Variants in EPYC observed in about 807,000 individuals in gnomAD.
The protein encoded by EPYC is epiphycan.
A neutral mutation model predicts 30.1 loss-of-function variants in EPYC; 28 were observed. That is an observed-to-expected ratio of 0.93 (90% confidence interval 0.69 to 1.28). The LOEUF (loss-of-function observed/expected upper bound fraction) is 1.28. EPYC is among the 50% of genes most tolerant of loss of function. The pLI, the probability that EPYC is intolerant of heterozygous loss-of-function variation, is 0.00. For missense variants in EPYC, 382 were observed against 383.5 expected, an observed-to-expected ratio of 1.00 and a Z score of 0.03; for synonymous variants, 144 against 141.4, an observed-to-expected ratio of 1.02 and a Z score of -0.13.
At chr12:90,978,333 A>G in intron 2 of EPYC, 71 bp from the exon 3 acceptor site, 1 of 1,454,266 alleles carries the variant, frequency 6.9e-7, no homozygotes, top group Non-Finnish European at 9.2e-7. Context: ...AGTGACACAA[A>G]TTTAAAATGT....
chr12:90,978,754 T>C (rs1397804906), intron 2 of EPYC, among the ~76,000 whole-genome samples: 1 of 152,094 alleles, frequency 6.6e-6, no homozygotes, highest in Non-Finnish European at 1.5e-5. Flanking sequence ...CTTGATTTCC[T>C]AGGTTCAAAT....
At chr12:90,967,955 G>A (rs1289671592) in intron 6 of EPYC, among the ~76,000 whole-genome samples, 1 of 151,928 alleles carries the variant, frequency 6.6e-6, no homozygotes, top group Non-Finnish European at 1.5e-5. Context: ...GGGTGACAGA[G>A]CAAGACCCTT....
chr12:91,004,900 T>C (rs1053073637), intron 1 of EPYC, 47 bp downstream of exon 1: 15 of 152,060 alleles, frequency 9.9e-5, no homozygotes, highest in Non-Finnish European at 2.9e-5. Flanking sequence ...GTTGTTATAG[T>C]AGGGAAAGAA....
At chr12:90,977,068 G>T (rs1381545628) in intron 3 of EPYC, among the ~76,000 whole-genome samples, 1 of 152,032 alleles carries the variant, frequency 6.6e-6, no homozygotes, top group Non-Finnish European at 1.5e-5. Flanking sequence ...CTCTAAATTT[G>T]TTTCTATGTC....
At chr12:90,975,780 A>G (rs1877165144) in intron 3 of EPYC, among the ~76,000 whole-genome samples, 3 of 152,056 alleles carry the variant, frequency 2.0e-5, no homozygotes, top group Admixed American at 2.0e-4. Context: ...TGGGTGCTTT[A>G]TGCTGGATAT....
chr12:90,977,074 A>ACAGTATTGCCTCTAAATTTGTTTCTT, intron 3 of EPYC, among the ~76,000 whole-genome samples: 1 of 152,032 alleles, frequency 6.6e-6, no homozygotes, highest in East Asian at 1.9e-4. Flanking sequence ...ATTTGTTTCT[A>ACAGTATTGCCTCTAAATTTGTTTCTT]TGTCTATCTT....
chr12:90,965,991 C>T (rs1876885443), intron 6 of EPYC, among the ~76,000 whole-genome samples: 1 of 151,952 alleles, frequency 6.6e-6, no homozygotes, highest in Non-Finnish European at 1.5e-5. Flanking sequence ...TAACCTGCCA[C>T]ATTGCTGAAC....
At chr12:90,967,829 G>C (rs1266074401) in intron 6 of EPYC, among the ~76,000 whole-genome samples, 3 of 152,034 alleles carry the variant, frequency 2.0e-5, no homozygotes, top group Non-Finnish European at 4.4e-5. Context: ...AAAGTAGCCA[G>C]GCATGATGGT....
At chr12:90,980,457 C>A (rs1385925441) in intron 2 of EPYC, among the ~76,000 whole-genome samples, 1 of 152,088 alleles carries the variant, frequency 6.6e-6, no homozygotes, top group Non-Finnish European at 1.5e-5. Context: ...AAATACTATG[C>A]CTGGAGAGAC....
chr12:90,964,890 G>A (rs935310585), intron 6 of EPYC, among the ~76,000 whole-genome samples: 1 of 152,052 alleles, frequency 6.6e-6, no homozygotes, highest in Non-Finnish European at 1.5e-5. Flanking sequence ...TTTATTTACT[G>A]TATCTCACAT....
At chr12:90,990,631 C>T (rs529261021) in intron 2 of EPYC, among the ~76,000 whole-genome samples, 98 of 152,168 alleles carry the variant, frequency 6.4e-4, no homozygotes, top group Middle Eastern at 3.4e-3. Context: ...TGTAGGTAGT[C>T]CCACTTGGGA....
At chr12:90,973,423 C>G (rs140855090) in intron 3 of EPYC, among the ~76,000 whole-genome samples, 1 of 152,228 alleles carries the variant, frequency 6.6e-6, no homozygotes, top group Non-Finnish European at 1.5e-5. Flanking sequence ...GTAAATGGCA[C>G]CATGGTAGCT....
chr12:90,981,888 T>G (rs146083027), intron 2 of EPYC, among the ~76,000 whole-genome samples: 3 of 152,112 alleles, frequency 2.0e-5, no homozygotes, highest in Admixed American at 2.0e-4. Flanking sequence ...AAGTTTCTAA[T>G]AAGGAAATCA....
chr12:90,982,667 TG>T (rs1877349000), intron 2 of EPYC, among the ~76,000 whole-genome samples: 3 of 152,254 alleles, frequency 2.0e-5, no homozygotes, highest in African/African-American at 7.2e-5. Context: ...CCTAAGCCTC[TG>T]GTAACCATCA....
rs1877918184 is a variant in EPYC at position 91,004,937 on chromosome 12, A to T, written c.-14+10T>A. 1 of 152,002 alleles carries T rather than the reference A, an allele frequency of 6.6e-6. No individual in the cohort carries two copies. The highest frequency in any genetic ancestry group is 1.5e-5 in the Non-Finnish European group (1 of 67,980). 9.4% of individuals were successfully genotyped at this position (152,002 alleles called of 1,614,324 possible). A position where few individuals can be genotyped will look rare whatever the true frequency, so the allele number is the denominator to read the frequency against. ...TCTGACCCAAGAAGAAAGCAAGTAT[A>T]AAAACTTACCTTTGGCTCTGACCTG... On this transcript the variant is annotated intron_variant, in intron 1 of 6. Coordinates refer to ENST00000261172, the MANE Select transcript of EPYC (RefSeq NM_004950.5).
At chr12:90,991,883 A>G (rs1328203770) in intron 2 of EPYC, among the ~76,000 whole-genome samples, 1 of 152,196 alleles carries the variant, frequency 6.6e-6, no homozygotes, top group Non-Finnish European at 1.5e-5. Flanking sequence ...AGACAGAAAC[A>G]CTAATTAAGT....
intron 2 of EPYC, among the ~76,000 whole-genome samples, chr12:90,993,129 C>A (rs758788389): frequency 1.6e-4 from 25 of 152,166 alleles, no homozygotes; most frequent in Non-Finnish European, 3.4e-4. Context: ...TTTTCTCACT[C>A]CTAAGCTAAT....
intron 3 of EPYC, among the ~76,000 whole-genome samples, chr12:90,975,175 C>T (rs575786987): frequency 3.9e-5 from 6 of 152,122 alleles, no homozygotes; most frequent in South Asian, 4.1e-4. Context: ...ATATTTAATA[C>T]GTGCTAATTT....
chr12:90,972,752 A>T, intron 4 of EPYC, 70 bp downstream of exon 4: 1 of 1,363,208 alleles, frequency 7.3e-7, no homozygotes, highest in East Asian at 2.4e-5. Context: ...CTCAGTGCTA[A>T]CATTTAACAA....
Sources: allele counts gnomAD v4.1 joint callset (sites outside exome capture counted in the v4.1 genomes callset), GRCh38; gene constraint gnomAD v4.1.1; transcripts MANE v1.5; gene names NCBI Gene and HGNC (gene_info 2026-07-23, HGNC 2026-07-21).